CUX1: variants seen among roughly 807,000 people sequenced by gnomAD.
CUX1 encodes protein CASP.
CUX1 carries 31 observed loss-of-function variants against 158.8 expected under a neutral mutation model. The ratio of observed to expected loss-of-function variants is 0.20; its 90% CI spans 0.15 to 0.26. The LOEUF (loss-of-function observed/expected upper bound fraction) is 0.26, where lower values mean the gene tolerates loss of function less well. Ranked by LOEUF, CUX1 falls within the 10% of genes least tolerant of loss-of-function variation. The pLI, the probability that CUX1 is intolerant of heterozygous loss-of-function variation, is 1.00. For missense variants in CUX1, 1,589 were observed against 2,014.6 expected (o/e 0.79, Z 4.04); for synonymous variants, 879 against 862.1 (o/e 1.02, Z -0.34).
At chr7:102,142,832 G>T (rs1168749986) in intron 8 of CUX1, among the ~76,000 whole-genome samples, 1 of 151,080 alleles carries the variant, frequency 6.6e-6, no homozygotes, top group Non-Finnish European at 1.5e-5. Flanking sequence ...CGAGGCAGGA[G>T]GATCTCTTGA....
intron 2 of CUX1, among the ~76,000 whole-genome samples, chr7:101,925,205 C>T (rs1019290393): frequency 1.3e-5 from 2 of 152,144 alleles, no homozygotes; most frequent in South Asian, 4.1e-4. Flanking sequence ...GCCTCCCAGG[C>T]TCCAGCAATT....
intron 4 of CUX1, among the ~76,000 whole-genome samples, chr7:102,091,204 C>CT (rs1341089860): frequency 1.3e-5 from 2 of 152,184 alleles, no homozygotes; most frequent in African/African-American, 4.8e-5. Context: ...ATTGCAACAA[C>CT]TTAGAGTATG....
In CUX1 at chr7:102,097,444, A is replaced by C; in HGVS notation, c.349A>C (p.Lys117Gln). 6.2e-7 allele frequency: 1 copy of C among 1,613,558 alleles called. No homozygotes were observed. Among genetic ancestry groups the C allele is most frequent in the South Asian group, 1.1e-5 (1 of 90,888 alleles). ...RLHDIETENQ[K>Q]LRETLEEYNK... Reference sequence around the variant, plus strand: ...GCACGATATTGAAACAGAGAACCAGAAACTTAGGGAAACTCTGGAAGAATA... The same window carrying C: ...GCACGATATTGAAACAGAGAACCAGCAACTTAGGGAAACTCTGGAAGAATA... The change falls in exon 5 of 24, where the codon AAA (lysine) becomes CAA (glutamine). Residue 117 changes from lysine to glutamine, a missense_variant. Physicochemically the swap from Lys to Gln is moderately conservative, Grantham distance 53 (BLOSUM62 1). Transcript: ENST00000292535.
chr7:101,960,420 A>C (rs1198087004), intron 2 of CUX1: 2 of 152,216 alleles, frequency 1.3e-5, no homozygotes, highest in African/African-American at 4.8e-5. Flanking sequence ...GGATCACTTG[A>C]GCTCAGGAGT....
In CUX1 at chr7:102,193,175, G is replaced by A. The variant is rs201757876; in HGVS notation, c.1077-667G>A. The stretch of plus-strand genomic sequence containing the variant: ...GGTGCCAGTTAGGAGTGAGGTGTGG[G>A]CAGTGGCCGCCCTGGTGGGTTCCCC... On this transcript the variant is annotated intron_variant, in intron 12 of 23. Transcript: ENST00000292535. 2.0e-5 allele frequency among the ~76,000 whole-genome samples: 3 copies of A among 152,366 alleles called. No homozygotes were observed. In the East Asian group the frequency reaches 5.8e-4, roughly 29 times the overall value.
intron 2 of CUX1, among the ~76,000 whole-genome samples, chr7:101,946,973 G>C (rs1276681486): frequency 1.3e-5 from 2 of 152,184 alleles, no homozygotes; most frequent in Non-Finnish European, 2.9e-5. Context: ...AGAAGGCCCG[G>C]GATGTGTCAC....
chr7:102,219,910 G>A (rs1257049577), intron 20 of CUX1, among the ~76,000 whole-genome samples: 1 of 152,248 alleles, frequency 6.6e-6, no homozygotes, highest in Non-Finnish European at 1.5e-5. Context: ...GTGAGCTTCT[G>A]CTGCTGGATT....
chr7:102,111,562 T>G (rs1830882726), intron 6 of CUX1, 136 bp from the exon 7 acceptor site: 2 of 720,638 alleles, frequency 2.8e-6, no homozygotes, highest in African/African-American at 3.5e-5. Flanking sequence ...GGCACACGTG[T>G]CGTTGCGGGC....
chr7:101,837,772 A>C (rs1408639687), intron 1 of CUX1, among the ~76,000 whole-genome samples: 1 of 131,618 alleles, frequency 7.6e-6, no homozygotes, highest in Non-Finnish European at 1.6e-5. Flanking sequence ...TCGAAGGTGC[A>C]GGGAGCCATG....
intron 2 of CUX1, among the ~76,000 whole-genome samples, chr7:101,972,890 C>T (rs2108270): frequency 0.025 from 3,756 of 152,252 alleles, 78 homozygotes; most frequent in Non-Finnish European, 0.033. Context: ...GTGAGGGAGT[C>T]GTGACTTTCT....
At position 101,874,929 on chromosome 7, in the gene CUX1, G is replaced by A. The variant is rs552375883; in HGVS notation, c.31-41186G>A. On this transcript the variant is annotated intron_variant, in intron 1 of 23. Coordinates refer to ENST00000292535, the MANE Select transcript of CUX1 (RefSeq NM_181552.4). ...GGGGCCGCCTGTCCCAGAGCATCGAGGACAGACACCGCTGCTGTTAGACCT... is the reference window on the plus strand; with the variant it reads ...GGGGCCGCCTGTCCCAGAGCATCGAAGACAGACACCGCTGCTGTTAGACCT... Among the ~76,000 whole-genome samples, 6 of 152,304 alleles carry A rather than the reference G, an allele frequency of 3.9e-5. No homozygotes were observed. In the East Asian group the frequency reaches 1.2e-3, roughly 29 times the overall value.
chr7:101,882,508 C>G (rs953009024), intron 1 of CUX1, among the ~76,000 whole-genome samples: 5 of 152,204 alleles, frequency 3.3e-5, no homozygotes, highest in African/African-American at 1.2e-4. Context: ...AAAGACCACT[C>G]TAAAGGCATT....
At position 102,216,651 on chromosome 7, in the gene CUX1, ACACT is replaced by A. The variant is rs1408668663; in HGVS notation, c.3131-10714_3131-10711del. 9.3e-4 allele frequency among the ~76,000 whole-genome samples: 92 copies of A among 99,372 alleles called. 2 individuals carry two copies. Among genetic ancestry groups the A allele is most frequent in the East Asian group, 4.5e-3 (16 of 3,530 alleles). The allele number at this position is 99,372 out of a possible 152,430, so 65.2% of individuals were successfully genotyped here. ...CACACCCCCACACACGCACACACAC[ACACT>A]CTCCCACACACACTCACACACACAC... On this transcript the variant is annotated intron_variant, in intron 20 of 23. Transcript: ENST00000292535.
At chr7:102,263,930 G>C (rs1334131797) in intron 14 of CUX1, among the ~76,000 whole-genome samples, 1 of 151,220 alleles carries the variant, frequency 6.6e-6, no homozygotes, top group Admixed American at 6.6e-5. Flanking sequence ...GGCCTCAAGC[G>C]ATCTGCCTGC....
intron 4 of CUX1, among the ~76,000 whole-genome samples, chr7:102,089,176 G>A (rs989766167): frequency 2.6e-5 from 4 of 151,966 alleles, no homozygotes; most frequent in Non-Finnish European, 5.9e-5. Flanking sequence ...TTCAGAATTC[G>A]ATTTGATTCT....
At chr7:102,219,060 A>ACACACACACACACACACACACACACG (rs1797539608) in intron 20 of CUX1, among the ~76,000 whole-genome samples, 1 of 143,250 alleles carries the variant, frequency 7.0e-6, no homozygotes, top group Admixed American at 7.0e-5. Context: ...CTCAAAACAC[A>ACACACACACACACACACACACACACG]CACACACACA....
rs1248152367 is a variant in CUX1, at chr7:102,252,939, CAGGG to C, written c.*3899_*3902del. 1.0e-6 allele frequency: 1 copy of C among 985,296 alleles called. No homozygotes were observed. Among genetic ancestry groups the C allele is most frequent in the East Asian group, 1.1e-4 (1 of 8,822 alleles). 61.0% of individuals were successfully genotyped at this position (985,296 alleles called of 1,614,324 possible). A position where few individuals can be genotyped will look rare whatever the true frequency, so the allele number is the denominator to read the frequency against. On this transcript the variant is annotated 3_prime_UTR_variant, in exon 24 of 24. Transcript: ENST00000292535. ...CTGGGACAGGATTGGGGTGACAGCC[CAGGG>C]ATGCATGCATGGGAGAACTCTCTGA...
chr7:102,028,260 G>A lies in CUX1; in HGVS notation c.189+115G>A, dbSNP rs558879527. On this transcript the variant is annotated intron_variant, in intron 3 of 23. Coordinates refer to ENST00000292535, the MANE Select transcript of CUX1 (RefSeq NM_181552.4). ...GGTGCTGCCCAGATGGTGCCTTCCC[G>A]GCTGCTCCGACCCAGCGTCATGCAG... The A allele has an allele frequency of 1.7e-5, 18 of 1,079,802 alleles. No individual in the cohort carries two copies. In the East Asian group the frequency reaches 2.4e-4, roughly 15 times the overall value. 66.9% of individuals were successfully genotyped at this position (1,079,802 alleles called of 1,614,324 possible). A position where few individuals can be genotyped will look rare whatever the true frequency, so the allele number is the denominator to read the frequency against.
chr7:101,922,855 C>T (rs376899440), intron 2 of CUX1, among the ~76,000 whole-genome samples: 20 of 152,242 alleles, frequency 1.3e-4, no homozygotes, highest in African/African-American at 4.8e-4. Flanking sequence ...CTGCACTGGG[C>T]TGGCCACAGC....
Sources: allele counts gnomAD v4.1 joint callset (sites outside exome capture counted in the v4.1 genomes callset), GRCh38; gene constraint gnomAD v4.1.1; transcripts MANE v1.5; gene names NCBI Gene and HGNC (gene_info 2026-07-23, HGNC 2026-07-21).